The following ADD3 variants were observed in gnomAD, a reference collection of about 807,000 sequenced individuals.
The protein encoded by ADD3 is adducin 3.
A neutral mutation model predicts 80.2 loss-of-function variants in ADD3; 25 were observed. The observed-to-expected ratio is 0.31, with a 90% confidence interval of 0.23 to 0.44. The LOEUF is 0.44. ADD3 is among the 20% of genes least tolerant of loss of function. The pLI, the probability that ADD3 is intolerant of heterozygous loss-of-function variation, is 1.00. For synonymous variants in ADD3, 284 were observed against 289.6 expected (o/e 0.98, Z 0.20); for missense variants, 829 against 847.5 (o/e 0.98, Z 0.27).
rs1554928297 is a variant in ADD3 at position 110,065,544 on chromosome 10, T to TTTTTTTTTTTC, written c.-29-35071_-29-35070insCTTTTTTTTTT. On this transcript the variant is annotated intron_variant, in intron 1 of 14. Coordinates refer to ENST00000356080, the MANE Select transcript of ADD3 (RefSeq NM_016824.5). ...TCTTAGCCTCTCTCTCTCCCCTTTT[T>TTTTTTTTTTTC]TTTTTTTTTTTTTGAGAAAGAATCT... 1.3e-3 allele frequency among the ~76,000 whole-genome samples: 102 copies of TTTTTTTTTTTC among 76,512 alleles called. 1 individual carries two copies. The highest frequency in any genetic ancestry group is 0.011 in the Middle Eastern group (2 of 190). The allele number at this position is 76,512 out of a possible 152,430, so 50.2% of individuals were successfully genotyped here.
chr10:110,115,962 G>A (rs909611886), intron 3 of ADD3, among the ~76,000 whole-genome samples: 4 of 152,092 alleles, frequency 2.6e-5, no homozygotes, highest in South Asian at 2.1e-4. Flanking sequence ...TTTTACCCTC[G>A]GAGATATGTG....
intron 1 of ADD3, among the ~76,000 whole-genome samples, chr10:110,098,084 T>A (rs371005218): frequency 1.7e-4 from 26 of 152,292 alleles, no homozygotes; most frequent in African/African-American, 6.3e-4. Flanking sequence ...CTAGTCTTTA[T>A]TTTTCATGAC....
chr10:110,067,530 C>T (rs1844115213), intron 1 of ADD3, among the ~76,000 whole-genome samples: 2 of 152,096 alleles, frequency 1.3e-5, no homozygotes, highest in African/African-American at 4.8e-5. Flanking sequence ...TGGAAATATC[C>T]CACAGGAGTC....
At position 110,031,023 on chromosome 10, in the gene ADD3, C is replaced by T. The variant is rs139043300; in HGVS notation, c.-30+22724C>T. On this transcript the variant is annotated intron_variant, in intron 1 of 14. Coordinates refer to ENST00000356080, the MANE Select transcript of ADD3 (RefSeq NM_016824.5). ...AGGCACGGTGGCTCACGCCTGTAAT[C>T]CCAGCACTTTGGGAGACCGAGGCAG... 1.2e-3 allele frequency among the ~76,000 whole-genome samples: 187 copies of T among 152,134 alleles called. 3 individuals are homozygous for T. The highest frequency in any genetic ancestry group is 4.4e-3 in the African/African-American group (183 of 41,568).
At chr10:110,079,065 C>A (rs1455606567) in intron 1 of ADD3, among the ~76,000 whole-genome samples, 1 of 152,096 alleles carries the variant, frequency 6.6e-6, no homozygotes, top group East Asian at 1.9e-4. Context: ...CTCCAGTCTG[C>A]TATACAAGCT....
intron 1 of ADD3, among the ~76,000 whole-genome samples, chr10:110,079,455 AGAGAGAGTGTGTGTGTGT>A (rs775118200): frequency 2.5e-4 from 31 of 125,566 alleles, no homozygotes; most frequent in African/African-American, 1.0e-3. Flanking sequence ...AGAGAGAGAG[AGAGAGAGTGTGTGTGTGT>A]GTGTGTGTGT....
intron 10 of ADD3, among the ~76,000 whole-genome samples, chr10:110,124,476 A>T (rs1851893175): frequency 1.3e-5 from 2 of 152,214 alleles, no homozygotes; most frequent in Admixed American, 1.3e-4. Flanking sequence ...AATATGAATG[A>T]TGCTGTTTTT....
chr10:110,062,877 G>T (rs1859101086), intron 1 of ADD3, among the ~76,000 whole-genome samples: 1 of 152,154 alleles, frequency 6.6e-6, no homozygotes, highest in Non-Finnish European at 1.5e-5. Flanking sequence ...TGAGAATTCA[G>T]AAAATTCTCT....
chr10:110,055,491 T>C (rs1858069338), intron 1 of ADD3, among the ~76,000 whole-genome samples: 1 of 152,208 alleles, frequency 6.6e-6, no homozygotes, highest in African/African-American at 2.4e-5. Context: ...AATGGTATTA[T>C]CTCAGATTCA....
chr10:110,079,543 A>G (rs1845822776), intron 1 of ADD3, among the ~76,000 whole-genome samples: 1 of 140,038 alleles, frequency 7.1e-6, no homozygotes, highest in African/African-American at 2.6e-5. Context: ...AAATTATACC[A>G]TTATGTATCT....
chr10:110,035,398 T>A (rs1283545402), intron 1 of ADD3, among the ~76,000 whole-genome samples: 2 of 152,204 alleles, frequency 1.3e-5, no homozygotes, highest in Non-Finnish European at 2.9e-5. Context: ...GAACAGCCTT[T>A]ATTCTGAAGA....
intron 1 of ADD3, among the ~76,000 whole-genome samples, chr10:110,070,460 CTA>C (rs1844528010): frequency 1.8e-5 from 2 of 112,780 alleles, no homozygotes; most frequent in South Asian, 1.0e-3. Context: ...TTTAAAAAAT[CTA>C]AAATCAAAGT....
intron 1 of ADD3, among the ~76,000 whole-genome samples, chr10:110,031,702 G>A (rs1427001796): frequency 6.6e-6 from 1 of 151,198 alleles, no homozygotes; most frequent in Non-Finnish European, 1.5e-5. Flanking sequence ...ACCCTATCTG[G>A]TACCTAGTGA....
At chr10:110,022,692 C>G (rs1166862342) in intron 1 of ADD3, among the ~76,000 whole-genome samples, 3 of 152,074 alleles carry the variant, frequency 2.0e-5, no homozygotes, top group Non-Finnish European at 4.4e-5. Flanking sequence ...GTAACAGACT[C>G]CAACACAAAC....
intron 1 of ADD3, among the ~76,000 whole-genome samples, chr10:110,099,538 A>G (rs1360187940): frequency 1.3e-5 from 2 of 152,202 alleles, no homozygotes; most frequent in East Asian, 3.8e-4. Flanking sequence ...AATAGAAAAT[A>G]TCGGAATATA....
chr10:110,010,184 A>G (rs1852174895), intron 1 of ADD3, among the ~76,000 whole-genome samples: 1 of 152,130 alleles, frequency 6.6e-6, no homozygotes, highest in Non-Finnish European at 1.5e-5. Context: ...CCTACACACA[A>G]TCCTAAAACC....
intron 2 of ADD3, among the ~76,000 whole-genome samples, chr10:110,108,762 T>C (rs1849663133): frequency 6.6e-6 from 1 of 152,146 alleles, no homozygotes; most frequent in Non-Finnish European, 1.5e-5. Context: ...TAAAAATGAG[T>C]AATAAATGTT....
Position 110,008,129 on chromosome 10 carries a change from T to C in ADD3, c.-200T>C, listed in dbSNP as rs1468308297. 4.6e-5 allele frequency: 7 copies of C among 152,478 alleles called. No individual in the cohort carries two copies. In the East Asian group the frequency reaches 1.4e-3, roughly 30 times the overall value. 9.4% of individuals were successfully genotyped at this position (152,478 alleles called of 1,614,324 possible). On this transcript the variant is annotated 5_prime_UTR_variant, in exon 1 of 15. Transcript: ENST00000356080. ...GTCGCCGCTTCCTGCTGCACAGGGCTCGGCGTACAGGTCCCTCCCTCCTCA... is the reference window on the plus strand; with the variant it reads ...GTCGCCGCTTCCTGCTGCACAGGGCCCGGCGTACAGGTCCCTCCCTCCTCA...
chr10:110,057,503 T>A (rs970180655), intron 1 of ADD3, among the ~76,000 whole-genome samples: 32 of 152,332 alleles, frequency 2.1e-4, no homozygotes, highest in Middle Eastern at 6.8e-3. Flanking sequence ...CAAACATTAT[T>A]GTTCTTTGGA....
Sources: allele counts gnomAD v4.1 joint callset (sites outside exome capture counted in the v4.1 genomes callset), GRCh38; gene constraint gnomAD v4.1.1; transcripts MANE v1.5; gene names NCBI Gene and HGNC (gene_info 2026-07-23, HGNC 2026-07-21).